Variants in PRR16 observed in about 807,000 individuals in gnomAD.
The protein encoded by PRR16 is proline rich 16, also known as protein Largen.
A neutral mutation model predicts 18.2 loss-of-function variants in PRR16; 6 were observed. The ratio of observed to expected loss-of-function variants is 0.33; its 90% confidence interval spans 0.18 to 0.65. PRR16 has a LOEUF of 0.65. Among genes scored for constraint, PRR16 ranks in the 30% least tolerant of loss-of-function variants. The probability of loss-of-function intolerance (pLI) is 0.74; values close to 1 mark genes in which losing one functional copy is unlikely to be tolerated. For missense variants in PRR16, 412 were observed against 376.6 expected (o/e 1.09, Z -0.78); for synonymous variants, 151 against 147.8 (o/e 1.02, Z -0.16).
At chr5:120,641,843 T>A (rs1755433761) in intron 1 of PRR16, among the ~76,000 whole-genome samples, 1 of 152,124 alleles carries the variant, frequency 6.6e-6, no homozygotes, top group Non-Finnish European at 1.5e-5. Flanking sequence ...ATCTTTTGCA[T>A]GTAGATATTT....
At chr5:120,682,941 C>A (rs1305097380) in intron 1 of PRR16, among the ~76,000 whole-genome samples, 2 of 151,972 alleles carry the variant, frequency 1.3e-5, no homozygotes, top group African/African-American at 4.8e-5. Flanking sequence ...TTATGTTAGG[C>A]CTTTAGAATG....
rs78161082 is a variant in PRR16 at position 120,676,796 on chromosome 5, A to G, written c.160-9158A>G. Among the ~76,000 whole-genome samples the G allele has an allele frequency of 2.4e-4, 36 of 152,226 alleles. 1 individual carries two copies. In the East Asian group the frequency reaches 6.0e-3, roughly 25 times the overall value. On this transcript the variant is annotated intron_variant, in intron 1 of 1. Transcript: ENST00000407149. Reference sequence around the variant, plus strand: ...GTCCAAAGACAGGCCCAGGAACCCAATGCAGTTCTAGTCTTCCCTTTGGAA... The same window carrying G: ...GTCCAAAGACAGGCCCAGGAACCCAGTGCAGTTCTAGTCTTCCCTTTGGAA...
intron 1 of PRR16, among the ~76,000 whole-genome samples, chr5:120,634,012 A>G (rs756427623): frequency 3.3e-5 from 5 of 152,268 alleles, no homozygotes; most frequent in South Asian, 4.1e-4. Context: ...CACATGGAAC[A>G]TTCTCTAAGA....
At chr5:120,626,619 G>A (rs556927774) in intron 1 of PRR16, among the ~76,000 whole-genome samples, 6 of 152,206 alleles carry the variant, frequency 3.9e-5, no homozygotes, top group South Asian at 4.1e-4. Flanking sequence ...TGCAAATTTT[G>A]TCTCAGTAAA....
intron 1 of PRR16, among the ~76,000 whole-genome samples, chr5:120,626,719 A>G (rs1189125367): frequency 6.6e-6 from 1 of 152,174 alleles, no homozygotes; most frequent in Non-Finnish European, 1.5e-5. Context: ...TTTAAATTTT[A>G]CAATTCATTG....
At chr5:120,764,019 G>C in the PRR16 span, among the ~76,000 whole-genome samples, 1 of 152,024 alleles carries the variant, frequency 6.6e-6, no homozygotes, top group Non-Finnish European at 1.5e-5. Context: ...GGTCAGTTTG[G>C]CTTCACGTTT....
intron 1 of PRR16, among the ~76,000 whole-genome samples, chr5:120,486,653 A>G (rs1236949873): frequency 6.6e-6 from 1 of 152,176 alleles, no homozygotes; most frequent in African/African-American, 2.4e-5. Flanking sequence ...TAGTTTAATT[A>G]GATCCCATTT....
chr5:120,480,812 AT>A (rs1749586659), intron 1 of PRR16, among the ~76,000 whole-genome samples: 1 of 152,226 alleles, frequency 6.6e-6, no homozygotes. Context: ...ATAGACCATT[AT>A]TTACTGAGCT....
rs754169611 is a variant in PRR16, at chr5:120,513,920, G to A, written c.159+49275G>A. On this transcript the variant is annotated intron_variant, in intron 1 of 1. Coordinates refer to ENST00000407149, the MANE Select transcript of PRR16 (RefSeq NM_001300783.2). ...ATTGCAGGTGCCCACCACCATGCCCGGCTAATTTTTTGTATTTTTAGTAGA... is the reference window on the plus strand; with the variant it reads ...ATTGCAGGTGCCCACCACCATGCCCAGCTAATTTTTTGTATTTTTAGTAGA... Among the ~76,000 whole-genome samples, 158 of 151,670 alleles carry A rather than the reference G, an allele frequency of 1.0e-3. 1 individual carries two copies. The highest frequency in any genetic ancestry group is 1.9e-3 in the Non-Finnish European group (127 of 67,896).
At chr5:120,595,270 G>C (rs145350685) in intron 1 of PRR16, among the ~76,000 whole-genome samples, 1,996 of 151,926 alleles carry the variant, frequency 0.013, 18 homozygotes, top group Middle Eastern at 0.037. Flanking sequence ...ATTAAAAAGT[G>C]GGCAAATAGC....
chr5:120,496,101 GT>G (rs1468497162), intron 1 of PRR16, among the ~76,000 whole-genome samples: 1 of 151,726 alleles, frequency 6.6e-6, no homozygotes, highest in Non-Finnish European at 1.5e-5. Context: ...TTTTAATATG[GT>G]TGATTAAAAA....
chr5:120,598,979 A>G (rs1324315693), intron 1 of PRR16, among the ~76,000 whole-genome samples: 1 of 151,926 alleles, frequency 6.6e-6, no homozygotes, highest in Non-Finnish European at 1.5e-5. Flanking sequence ...CTTTAAAATC[A>G]GAGTGTAGCT....
At chr5:120,474,237 C>T (rs1330185437) in intron 1 of PRR16, among the ~76,000 whole-genome samples, 2 of 152,108 alleles carry the variant, frequency 1.3e-5, no homozygotes, top group Non-Finnish European at 2.9e-5. Flanking sequence ...TAATCACTGG[C>T]TCAGGGTTTC....
the PRR16 span, among the ~76,000 whole-genome samples, chr5:120,793,276 T>C: frequency 6.6e-6 from 1 of 152,028 alleles, no homozygotes; most frequent in Admixed American, 6.6e-5. Flanking sequence ...GTGCTGAATG[T>C]ATCCAGTACA....
intron 1 of PRR16, among the ~76,000 whole-genome samples, chr5:120,624,646 G>T (rs1381850899): frequency 1.3e-5 from 2 of 152,092 alleles, no homozygotes; most frequent in Admixed American, 6.6e-5. Flanking sequence ...ATTCATAGGG[G>T]TGTTATAGAT....
the PRR16 span, among the ~76,000 whole-genome samples, chr5:120,719,550 G>C: frequency 6.6e-6 from 1 of 152,032 alleles, no homozygotes; most frequent in Non-Finnish European, 1.5e-5. Context: ...CTGATGGGAA[G>C]ATTTTTATGC....
At chr5:120,582,488 A>T (rs76111728) in intron 1 of PRR16, among the ~76,000 whole-genome samples, 8,414 of 151,706 alleles carry the variant, frequency 0.055, 297 homozygotes, top group South Asian at 0.081. Flanking sequence ...TATTTTTTTT[A>T]AAAAAATAGA....
chr5:120,504,908 T>G (rs1244154173), intron 1 of PRR16, among the ~76,000 whole-genome samples: 1 of 152,130 alleles, frequency 6.6e-6, no homozygotes, highest in Non-Finnish European at 1.5e-5. Flanking sequence ...CCTTGCATCT[T>G]CAAGGATTTG....
At chr5:120,627,976 C>T (rs1754922777) in intron 1 of PRR16, among the ~76,000 whole-genome samples, 1 of 151,944 alleles carries the variant, frequency 6.6e-6, no homozygotes, top group Non-Finnish European at 1.5e-5. Context: ...AATTATATTT[C>T]TTAATAATAT....
Sources: allele counts gnomAD v4.1 joint callset (sites outside exome capture counted in the v4.1 genomes callset), GRCh38; gene constraint gnomAD v4.1.1; transcripts MANE v1.5; gene names NCBI Gene and HGNC (gene_info 2026-07-23, HGNC 2026-07-21).